FGGY: variants seen among roughly 807,000 people sequenced by gnomAD.
FGGY encodes the protein FGGY carbohydrate kinase domain containing, also known as FGGY carbohydrate kinase domain-containing protein.
FGGY carries 72 observed loss-of-function variants against 71.3 expected under a neutral mutation model. The ratio of observed to expected loss-of-function variants is 1.01; its 90% CI spans 0.84 to 1.23. The LOEUF is 1.23. Ranked by LOEUF, FGGY falls within the 50% of genes most tolerant of loss-of-function variation. The pLI, the probability that FGGY is intolerant of heterozygous loss-of-function variation, is 0.00. For missense variants in FGGY, 668 were observed against 682.3 expected (o/e 0.98, Z 0.23); for synonymous variants, 251 against 250.3 (o/e 1.00, Z -0.02).
chr1:59,536,796 AC>A (rs2095327834), intron 7 of FGGY, among the ~76,000 whole-genome samples: 1 of 152,160 alleles, frequency 6.6e-6, no homozygotes, highest in Admixed American at 6.5e-5. Flanking sequence ...AAATTCAACA[AC>A]CCTTCATGCT....
intron 14 of FGGY, among the ~76,000 whole-genome samples, chr1:59,692,596 A>G (rs1236196977): frequency 6.6e-6 from 1 of 151,718 alleles, no homozygotes; most frequent in South Asian, 2.1e-4. Flanking sequence ...CTATATCATT[A>G]TCATATGGCA....
At chr1:59,531,855 A>T (rs1390633760) in intron 7 of FGGY, among the ~76,000 whole-genome samples, 1 of 152,220 alleles carries the variant, frequency 6.6e-6, no homozygotes, top group Non-Finnish European at 1.5e-5. Flanking sequence ...TTAAATTAAC[A>T]TCTGATTAAA....
chr1:59,646,813 T>A (rs961010877), intron 11 of FGGY, among the ~76,000 whole-genome samples: 1 of 152,156 alleles, frequency 6.6e-6, no homozygotes, highest in Non-Finnish European at 1.5e-5. Context: ...CGGGAACCAG[T>A]CAATTCAAAC....
At chr1:59,313,268 G>A (rs529743237) in intron 1 of FGGY, among the ~76,000 whole-genome samples, 10 of 152,182 alleles carry the variant, frequency 6.6e-5, no homozygotes, top group African/African-American at 2.4e-4. Flanking sequence ...ATCACCTTAG[G>A]GGTTAGGTTT....
chr1:59,611,698 T>A (rs2096681897), intron 9 of FGGY, among the ~76,000 whole-genome samples: 1 of 152,080 alleles, frequency 6.6e-6, no homozygotes, highest in South Asian at 2.1e-4. Flanking sequence ...ATCAAACTGC[T>A]CCGAGCTAAA....
chr1:59,490,903 ACTG>A (rs1290251655), intron 6 of FGGY, among the ~76,000 whole-genome samples: 1 of 151,672 alleles, frequency 6.6e-6, no homozygotes, highest in Non-Finnish European at 1.5e-5. Context: ...TTCTGCCAAT[ACTG>A]TGCTGTTACT....
chr1:59,386,835 G>A (rs2060126428), intron 5 of FGGY, among the ~76,000 whole-genome samples: 1 of 151,840 alleles, frequency 6.6e-6, no homozygotes, highest in African/African-American at 2.4e-5. Flanking sequence ...ATGCGAAAAC[G>A]GTTGAATTTC....
chr1:59,504,516 C>T lies in FGGY; in HGVS notation c.671-7795C>T, dbSNP rs74425763. Among the ~76,000 whole-genome samples the T allele has an allele frequency of 4.6e-5, 7 of 152,310 alleles. No individual in the cohort carries two copies. The East Asian group carries it at 1.4e-3, about 29-fold the overall frequency. On this transcript the variant is annotated intron_variant, in intron 6 of 15. Transcript: ENST00000303721. ...GAACTAAATGACATCCAGCTGGCGT[C>T]TGCTACAGAATTAAGTGCTTGCTTG...
intron 1 of FGGY, among the ~76,000 whole-genome samples, chr1:59,311,091 A>G (rs1423430787): frequency 1.3e-5 from 2 of 152,076 alleles, no homozygotes; most frequent in Non-Finnish European, 2.9e-5. Flanking sequence ...AGGCATTTCT[A>G]ATGATCATCT....
At chr1:59,351,228 A>G (rs1570813588) in intron 4 of FGGY, among the ~76,000 whole-genome samples, 1 of 152,370 alleles carries the variant, frequency 6.6e-6, no homozygotes, top group Middle Eastern at 3.4e-3. Context: ...TGTCGCCTAC[A>G]GGGCAGAATA....
intron 4 of FGGY, among the ~76,000 whole-genome samples, chr1:59,366,403 C>T (rs749321427): frequency 2.2e-4 from 34 of 152,058 alleles, no homozygotes; most frequent in Non-Finnish European, 4.0e-4. Context: ...GTTTAGGCCT[C>T]TGCTTGCATC....
intron 8 of FGGY, among the ~76,000 whole-genome samples, chr1:59,597,346 C>G (rs574643022): frequency 6.6e-6 from 1 of 152,298 alleles, no homozygotes; most frequent in African/African-American, 2.4e-5. Context: ...ATGCGGTAAA[C>G]AGGGTAAATC....
intron 15 of FGGY, among the ~76,000 whole-genome samples, chr1:59,760,417 A>G (rs1410276134): frequency 6.6e-6 from 1 of 152,220 alleles, no homozygotes; most frequent in African/African-American, 2.4e-5. Flanking sequence ...TAGAATTAAC[A>G]TGTGATTCAG....
intron 6 of FGGY, among the ~76,000 whole-genome samples, chr1:59,502,633 G>T (rs937041846): frequency 3.9e-5 from 6 of 152,300 alleles, no homozygotes; most frequent in African/African-American, 7.2e-5. Context: ...TACTCCAGGT[G>T]GGGGAAGATG....
At chr1:59,612,847 C>G (rs1480123357) in intron 9 of FGGY, among the ~76,000 whole-genome samples, 1 of 152,108 alleles carries the variant, frequency 6.6e-6, no homozygotes, top group African/African-American at 2.4e-5. Context: ...GGTTGCAATC[C>G]TAGTCTCTGA....
Position 59,321,767 on chromosome 1 carries a change from T to C in FGGY, c.201+17T>C, listed in dbSNP as rs778683737. On this transcript the variant is annotated intron_variant, in intron 2 of 15. Coordinates refer to ENST00000303721, the MANE Select transcript of FGGY (RefSeq NM_018291.5). ...GTCACAAAGGTATGGGCAAAACTGG[T>C]GTTCTCTCCTTGTTCATATTCCTAC... 2 of 1,602,472 alleles carry C rather than the reference T, an allele frequency of 1.2e-6. No individual in the cohort carries two copies. The highest frequency in any genetic ancestry group is 1.1e-5 in the South Asian group (1 of 89,102).
chr1:59,714,376 T>G (rs186038393), intron 14 of FGGY, among the ~76,000 whole-genome samples: 5 of 152,226 alleles, frequency 3.3e-5, no homozygotes, highest in Admixed American at 2.0e-4. Context: ...AAAGACCTAG[T>G]GGTGGGTGAA....
intron 14 of FGGY, among the ~76,000 whole-genome samples, chr1:59,752,888 T>TG (rs2098257833): frequency 6.6e-6 from 1 of 152,216 alleles, no homozygotes; most frequent in Non-Finnish European, 1.5e-5. Context: ...ACCCTTCACT[T>TG]GCTTTCAGAA....
chr1:59,542,250 C>T (rs12069567), intron 7 of FGGY, among the ~76,000 whole-genome samples: 30,668 of 152,024 alleles, frequency 0.2, 4,223 homozygotes, highest in African/African-American at 0.39. Context: ...TACAAGCTCT[C>T]TGAGGACAGA....
Sources: allele counts gnomAD v4.1 joint callset (sites outside exome capture counted in the v4.1 genomes callset), GRCh38; gene constraint gnomAD v4.1.1; transcripts MANE v1.5; gene names NCBI Gene and HGNC (gene_info 2026-07-23, HGNC 2026-07-21).